The following SMG5 variants were observed in gnomAD, a reference collection of about 807,000 sequenced individuals.
The protein encoded by SMG5 is SMG5 nonsense mediated mRNA decay factor.
SMG5 carries 53 observed loss-of-function variants against 122.9 expected under a neutral mutation model. That is an observed-to-expected ratio of 0.43 (90% CI 0.35 to 0.54). The LOEUF is 0.54. SMG5 is among the 20% of genes least tolerant of loss of function. The pLI, the probability that SMG5 is intolerant of heterozygous loss-of-function variation, is 0.01. For synonymous variants in SMG5, 477 were observed against 490.2 expected (o/e 0.97, Z 0.35); for missense variants, 1,153 against 1,285.6 (o/e 0.90, Z 1.58).
At chr1:156,258,886 C>T in intron 16 of SMG5, 119 bp downstream of exon 16, 2 of 1,282,994 alleles carry the variant, frequency 1.6e-6, no homozygotes, top group Non-Finnish European at 2.1e-6. Context: ...CTCCCCTCTC[C>T]CTAGGCATCT....
At chr1:156,269,533 G>C (rs1227981525) in intron 7 of SMG5, among the ~76,000 whole-genome samples, 2 of 151,682 alleles carry the variant, frequency 1.3e-5, no homozygotes, top group Non-Finnish European at 1.5e-5. Context: ...TCAGGAGTTC[G>C]AGATGAGCCT....
At position 156,249,998 on chromosome 1, in the gene SMG5, G is replaced by A. The variant is rs781375007; in HGVS notation, c.*589C>T. The A allele has an allele frequency of 1.5e-4, 67 of 461,246 alleles. No homozygotes were observed. Among genetic ancestry groups the A allele is most frequent in the South Asian group, 2.8e-4 (18 of 63,392 alleles). The allele number at this position is 461,246 out of a possible 1,614,324, so 28.6% of individuals were successfully genotyped here. A position where few individuals can be genotyped will look rare whatever the true frequency, so the allele number is the denominator to read the frequency against. On this transcript the variant is annotated 3_prime_UTR_variant, in exon 22 of 22. Coordinates refer to ENST00000361813, the MANE Select transcript of SMG5 (RefSeq NM_015327.3). Reference sequence around the variant, plus strand: ...CACACGAACCCTGACCCTGCTACTCGGTGCAGGCCACTCCAGGCCTTGCTT... The same window carrying A: ...CACACGAACCCTGACCCTGCTACTCAGTGCAGGCCACTCCAGGCCTTGCTT...
chr1:156,277,229 G>A lies in SMG5; in HGVS notation c.310C>T (p.Arg104Trp), dbSNP rs754676963. ...IKTNKKHIHS[R>W]STLECAYRTH... ...CTGTAGGCACATTCCAAAGTGCTCC[G>A]GCTGTGGATGTGCTACAGATTGCGA... The change falls in exon 4 of 22, where the codon CGG (arginine) becomes TGG (tryptophan). Residue 104 changes from arginine (R) to tryptophan (W), a missense_variant. Arg to Trp is a moderately radical substitution (Grantham distance 101). Transcript: ENST00000361813. 1.5e-5 allele frequency: 25 copies of A among 1,613,048 alleles called. No homozygotes were observed. Among genetic ancestry groups the A allele is most frequent in the East Asian group, 2.2e-5 (1 of 44,898 alleles).
intron 4 of SMG5, among the ~76,000 whole-genome samples, chr1:156,275,339 T>C (rs1662635712): frequency 1.3e-5 from 2 of 152,190 alleles, no homozygotes; most frequent in African/African-American, 4.8e-5. Flanking sequence ...GCCTGAGCAC[T>C]CACCTCTCCC....
chr1:156,282,853 C>T (rs1663033663), upstream of SMG5: 5 of 639,748 alleles, frequency 7.8e-6, no homozygotes, highest in East Asian at 1.2e-4. Flanking sequence ...CCAAATCTCG[C>T]GATGGCAGCC....
At chr1:156,286,372 CTTTA>C, upstream of SMG5, 1 of 1,614,204 alleles carries the variant, frequency 6.2e-7, no homozygotes, top group Non-Finnish European at 8.5e-7. Context: ...CGGTCCAGCT[CTTTA>C]TTCTCTACTT....
rs537022304 is a variant in SMG5, at chr1:156,281,768, G to A, written c.74+839C>T. 2.0e-5 allele frequency among the ~76,000 whole-genome samples: 3 copies of A among 152,294 alleles called. No individual in the cohort carries two copies. The South Asian group carries it at 6.2e-4, about 32-fold the overall frequency. On this transcript the variant is annotated intron_variant, in intron 1 of 21. Transcript: ENST00000361813. ...CTTCATCCTATTTTGACCCAGTTGC[G>A]GAGCCCATGTTCCAGTTGACCTACC...
At chr1:156,251,036 A>T in intron 20 of SMG5, 40 bp from the exon 21 acceptor site, 2 of 1,605,526 alleles carry the variant, frequency 1.2e-6, no homozygotes, top group Non-Finnish European at 1.7e-6. Context: ...GCCAAGACCC[A>T]GCATTAGCAC....
rs1368281174 is a variant in SMG5, at chr1:156,250,356, C to T, written c.*231G>A. The T allele has an allele frequency of 1.9e-6, 1 of 533,158 alleles. No homozygotes were observed. The highest frequency in any genetic ancestry group is 3.4e-6 in the Non-Finnish European group (1 of 296,350). The allele number at this position is 533,158 out of a possible 1,614,324, so 33.0% of individuals were successfully genotyped here. A position where few individuals can be genotyped will look rare whatever the true frequency, so the allele number is the denominator to read the frequency against. On this transcript the variant is annotated 3_prime_UTR_variant, in exon 22 of 22. Coordinates refer to ENST00000361813, the MANE Select transcript of SMG5 (RefSeq NM_015327.3). Reference sequence around the variant, plus strand: ...GAAGGCTGGCCAGGGGCCCACAAGACTCTCCTAATCCAAGCACTTTCCTCG... The same window carrying T: ...GAAGGCTGGCCAGGGGCCCACAAGATTCTCCTAATCCAAGCACTTTCCTCG...
At chr1:156,274,487 A>C in intron 5 of SMG5, 110 bp downstream of exon 5, 2 of 983,586 alleles carry the variant, frequency 2.0e-6, no homozygotes, top group Non-Finnish European at 1.6e-6. Context: ...ATCAGAAGCC[A>C]AACTATCCCT....
chr1:156,267,075 T>C (rs1662185842), intron 10 of SMG5, among the ~76,000 whole-genome samples: 1 of 152,176 alleles, frequency 6.6e-6, no homozygotes, highest in Non-Finnish European at 1.5e-5. Context: ...CATCCAGTCC[T>C]ATCCCTCCTT....
At chr1:156,257,266 A>G (rs1661620953) in intron 16 of SMG5, among the ~76,000 whole-genome samples, 1 of 152,068 alleles carries the variant, frequency 6.6e-6, no homozygotes, top group African/African-American at 2.4e-5. Context: ...GCAAGCACCT[A>G]CCTCACTGGG....
chr1:156,286,641 G>A (rs902595999), upstream of SMG5, among the ~76,000 whole-genome samples: 1 of 152,132 alleles, frequency 6.6e-6, no homozygotes, highest in African/African-American at 2.4e-5. Context: ...ACCTCAGCTG[G>A]TCAGCAGATG....
At position 156,278,170 on chromosome 1, in the gene SMG5, C is replaced by T. The variant is rs1038370503; in HGVS notation, c.174-122G>A. On this transcript the variant is annotated intron_variant, in intron 2 of 21. Coordinates refer to ENST00000361813, the MANE Select transcript of SMG5 (RefSeq NM_015327.3). ...ACAAATCTCGGTGCTTCCCAAGAGA[C>T]ATGCAGGGTCAATATGACCCAGCAC... 4.7e-6 allele frequency: 6 copies of T among 1,275,964 alleles called. No individual in the cohort carries two copies. The African/African-American group carries it at 6.0e-5, about 13-fold the overall frequency. The allele number at this position is 1,275,964 out of a possible 1,614,324, so 79.0% of individuals were successfully genotyped here.
At chr1:156,284,960 G>C (rs192549454), upstream of SMG5, among the ~76,000 whole-genome samples, 23 of 152,238 alleles carry the variant, frequency 1.5e-4, no homozygotes, top group East Asian at 4.3e-3. Flanking sequence ...ACCCTCTCCT[G>C]TTGGACGGCA....
intron 20 of SMG5, 125 bp from the exon 21 acceptor site, chr1:156,251,121 G>T: frequency 1.5e-6 from 2 of 1,325,064 alleles, no homozygotes; most frequent in Non-Finnish European, 2.1e-6. Context: ...GTGGGCCCTG[G>T]AAGCTGGCCC....
rs1661423587 is a variant in SMG5, at chr1:156,253,070, C to T, written c.2511G>A (p.Val837=). The change falls in exon 18 of 22, where the codon GTG becomes GTA. Residue 837 remains valine (V), a synonymous_variant. Coordinates refer to ENST00000361813, the MANE Select transcript of SMG5 (RefSeq NM_015327.3). ...DMAQLRLQLE[V]SQLEGSLQQP... Reference sequence around the variant, plus strand: ...GCTGCAGGCTGCCCTCCAGCTGAGACACTTCGAGCTGGTGAGAGAGGGCAA... The same window carrying T: ...GCTGCAGGCTGCCCTCCAGCTGAGATACTTCGAGCTGGTGAGAGAGGGCAA... 3 of 1,604,744 alleles carry T rather than the reference C, an allele frequency of 1.9e-6. No individual in the cohort carries two copies. The highest frequency in any genetic ancestry group is 2.2e-5 in the East Asian group (1 of 44,664).
chr1:156,285,732 C>G (rs141089227), upstream of SMG5: 43 of 1,613,184 alleles, frequency 2.7e-5, no homozygotes, highest in Non-Finnish European at 3.5e-5. Flanking sequence ...CACCCCGACC[C>G]CACTGAGCGC....
At chr1:156,276,074 C>T (rs1256785594) in intron 4 of SMG5, among the ~76,000 whole-genome samples, 1 of 151,748 alleles carries the variant, frequency 6.6e-6, no homozygotes, top group Non-Finnish European at 1.5e-5. Flanking sequence ...CCTTGGCCTC[C>T]CAAAGTGCTG....
Sources: gnomAD v4.1 joint callset for allele counts (sites outside exome capture counted in the v4.1 genomes callset) on GRCh38, gnomAD v4.1.1 for gene constraint, MANE v1.5 for transcripts, NCBI Gene and HGNC (gene_info 2026-07-23, HGNC 2026-07-21) for gene names.